The following L3MBTL4 variants were observed in gnomAD, a reference collection of about 807,000 sequenced individuals.
L3MBTL4 encodes the protein lethal(3)malignant brain tumor-like protein 4.
In L3MBTL4, 70 loss-of-function variants were observed where a neutral mutation model predicts 84.5. The ratio of observed to expected loss-of-function variants is 0.83; its 90% confidence interval spans 0.68 to 1.01. The LOEUF (loss-of-function observed/expected upper bound fraction) is 1.01, where lower values mean the gene tolerates loss of function less well. L3MBTL4 is among the 50% of genes least tolerant of loss of function. The pLI, the probability that L3MBTL4 is intolerant of heterozygous loss-of-function variation, is 0.00. For missense variants in L3MBTL4, 715 were observed against 754.8 expected, an observed-to-expected ratio of 0.95 and a Z score of 0.62; for synonymous variants, 274 against 259.8, an observed-to-expected ratio of 1.05 and a Z score of -0.52.
intron 1 of L3MBTL4, among the ~76,000 whole-genome samples, chr18:6,328,536 C>T (rs2051846470): frequency 6.6e-6 from 1 of 152,208 alleles, no homozygotes; most frequent in Non-Finnish European, 1.5e-5. Flanking sequence ...ATCATGACAA[C>T]TAGCACTGCT....
intron 16 of L3MBTL4, among the ~76,000 whole-genome samples, chr18:6,003,712 C>T (rs533966459): frequency 2.2e-3 from 332 of 152,060 alleles, no homozygotes; most frequent in African/African-American, 7.8e-3. Flanking sequence ...CCTCTGACCA[C>T]AATTAGGTGA....
intron 1 of L3MBTL4, among the ~76,000 whole-genome samples, chr18:6,324,698 G>A (rs1281394439): frequency 1.3e-5 from 2 of 152,116 alleles, no homozygotes; most frequent in Admixed American, 6.5e-5. Context: ...AGAACACACC[G>A]GAGCCTGAAA....
At chr18:6,046,577 TAA>T (rs2056628722) in intron 16 of L3MBTL4, 2 of 544,800 alleles carry the variant, frequency 3.7e-6, no homozygotes, top group Non-Finnish European at 6.6e-6. Context: ...ACGGTGGAAT[TAA>T]AATAGAAATC....
intron 10 of L3MBTL4, among the ~76,000 whole-genome samples, chr18:6,222,892 G>T (rs1332067119): frequency 6.6e-6 from 1 of 150,520 alleles, no homozygotes; most frequent in Non-Finnish European, 1.5e-5. Context: ...CTAAAAAAAA[G>T]TTAATGGCTA....
intron 16 of L3MBTL4, among the ~76,000 whole-genome samples, chr18:6,078,083 A>G (rs1385465307): frequency 6.7e-6 from 1 of 150,236 alleles, no homozygotes; most frequent in African/African-American, 2.5e-5. Flanking sequence ...ATGAATGAAG[A>G]AGGCACTCAT....
At chr18:6,075,202 A>G (rs2057817590) in intron 16 of L3MBTL4, among the ~76,000 whole-genome samples, 1 of 152,202 alleles carries the variant, frequency 6.6e-6, no homozygotes, top group Non-Finnish European at 1.5e-5. Context: ...AGAAATGTAA[A>G]GGAACAAGAA....
chr18:6,121,347 T>C (rs1474565506), intron 14 of L3MBTL4, among the ~76,000 whole-genome samples: 5 of 152,222 alleles, frequency 3.3e-5, no homozygotes, highest in Non-Finnish European at 7.3e-5. Flanking sequence ...GCGATGCACC[T>C]CTTCCATCTG....
chr18:5,976,194 G>A (rs567986304), intron 16 of L3MBTL4, among the ~76,000 whole-genome samples: 4 of 152,176 alleles, frequency 2.6e-5, no homozygotes, highest in Admixed American at 6.5e-5. Flanking sequence ...CCTGGATTTT[G>A]ATCACTTAGT....
chr18:6,325,960 A>C (rs751568228), intron 1 of L3MBTL4, among the ~76,000 whole-genome samples: 1 of 152,182 alleles, frequency 6.6e-6, no homozygotes, highest in African/African-American at 2.4e-5. Context: ...GGGAAAAACA[A>C]GTATCTCACC....
chr18:6,334,738 A>G (rs1407448204), intron 1 of L3MBTL4, among the ~76,000 whole-genome samples: 4 of 152,208 alleles, frequency 2.6e-5, no homozygotes, highest in Admixed American at 6.5e-5. Context: ...TATGAAAGAT[A>G]TAGTTTGTTT....
rs192579245 is a variant in L3MBTL4, at chr18:6,389,898, G to A, written c.-91+24903C>T. ...CAGGACTAGACAGATCATCAAGACA[G>A]AATGTCAACAAAGAAACAATGGACT... On this transcript the variant is annotated intron_variant, in intron 1 of 18. Transcript: ENST00000317931. 8.2e-3 allele frequency among the ~76,000 whole-genome samples: 1,241 copies of A among 152,174 alleles called. 19 individuals are homozygous for A. Among genetic ancestry groups the A allele is most frequent in the African/African-American group, 0.028 (1,149 of 41,520 alleles).
intron 13 of L3MBTL4, among the ~76,000 whole-genome samples, chr18:6,157,002 G>A (rs1457235109): frequency 2.0e-5 from 3 of 152,202 alleles, no homozygotes; most frequent in Non-Finnish European, 2.9e-5. Context: ...AGGTAGAGAC[G>A]CAGGATAAGC....
chr18:6,239,681 T>A, intron 9 of L3MBTL4, 37 bp downstream of exon 9: 1 of 1,599,050 alleles, frequency 6.3e-7, no homozygotes. Flanking sequence ...ATCAAACATA[T>A]GAATACACAA....
intron 5 of L3MBTL4, among the ~76,000 whole-genome samples, chr18:6,253,483 G>A (rs2048012886): frequency 6.6e-6 from 1 of 152,204 alleles, no homozygotes; most frequent in African/African-American, 2.4e-5. Flanking sequence ...TACATACTTA[G>A]GGGGTAAAAT....
intron 1 of L3MBTL4, among the ~76,000 whole-genome samples, chr18:6,322,869 T>C (rs1434499373): frequency 6.6e-6 from 1 of 152,138 alleles, no homozygotes; most frequent in East Asian, 1.9e-4. Flanking sequence ...TGGATCTGTG[T>C]CCCTGCCCAA....
chr18:6,280,093 A>G (rs392209), intron 4 of L3MBTL4, among the ~76,000 whole-genome samples: 40,958 of 152,158 alleles, frequency 0.27, 7,260 homozygotes, highest in African/African-American at 0.5. Flanking sequence ...CTAACCTTTC[A>G]AAACACTAGT....
chr18:6,236,122 T>C (rs893339147), intron 10 of L3MBTL4, among the ~76,000 whole-genome samples: 1 of 152,118 alleles, frequency 6.6e-6, no homozygotes, highest in Non-Finnish European at 1.5e-5. Context: ...TGCAAGGGAC[T>C]GAGAAGAGCA....
chr18:6,159,009 G>T (rs1325137491), intron 13 of L3MBTL4, among the ~76,000 whole-genome samples: 1 of 152,160 alleles, frequency 6.6e-6, no homozygotes, highest in African/African-American at 2.4e-5. Context: ...CCATCTTCCT[G>T]GGAAGAGTGT....
At chr18:5,962,449 G>C (rs1166783211) in intron 17 of L3MBTL4, among the ~76,000 whole-genome samples, 1 of 152,184 alleles carries the variant, frequency 6.6e-6, no homozygotes, top group Non-Finnish European at 1.5e-5. Flanking sequence ...TAGACAGGGA[G>C]TGGCGGGAAG....
Sources: gnomAD v4.1 joint callset for allele counts (sites outside exome capture counted in the v4.1 genomes callset) on GRCh38, gnomAD v4.1.1 for gene constraint, MANE v1.5 for transcripts, NCBI Gene and HGNC (gene_info 2026-07-23, HGNC 2026-07-21) for gene names.